The following EPHA6 variants were observed in gnomAD, a reference collection of about 807,000 sequenced individuals.
EPHA6 encodes the protein ephrin type-A receptor 6.
Under a neutral mutation model 112.0 loss-of-function variants are expected in EPHA6, and 50 were observed. That is an observed-to-expected ratio of 0.45 (90% CI 0.36 to 0.56). EPHA6 has a LOEUF of 0.56. Ranked by LOEUF, EPHA6 falls within the 20% of genes least tolerant of loss-of-function variation. The pLI is 0.00. For missense variants in EPHA6, 1,280 were observed against 1,417.4 expected (o/e 0.90, Z 1.56); for synonymous variants, 529 against 490.7 (o/e 1.08, Z -1.03).
At chr3:97,524,476 G>GT (rs936140279) in intron 10 of EPHA6, among the ~76,000 whole-genome samples, 1 of 151,550 alleles carries the variant, frequency 6.6e-6, no homozygotes, top group Non-Finnish European at 1.5e-5. Flanking sequence ...AAATACATTT[G>GT]TTTTTTTAAC....
intron 5 of EPHA6, among the ~76,000 whole-genome samples, chr3:97,286,454 G>A (rs2080466931): frequency 6.6e-6 from 1 of 152,066 alleles, no homozygotes; most frequent in African/African-American, 2.4e-5. Context: ...TTTTGCATAA[G>A]GATATCCAGT....
At chr3:97,638,195 C>CT in intron 14 of EPHA6, 113 bp downstream of exon 14, 1 of 722,512 alleles carries the variant, frequency 1.4e-6, no homozygotes, top group South Asian at 2.1e-5. Flanking sequence ...TATTACTTTG[C>CT]TAATTTGATA....
chr3:97,482,788 A>C (rs1027386313), intron 9 of EPHA6, among the ~76,000 whole-genome samples: 7 of 152,236 alleles, frequency 4.6e-5, no homozygotes, highest in Non-Finnish European at 8.8e-5. Flanking sequence ...CAACAAAACC[A>C]AATACCATCC....
chr3:97,154,879 A>G (rs2076254024), intron 3 of EPHA6, among the ~76,000 whole-genome samples: 1 of 152,224 alleles, frequency 6.6e-6, no homozygotes, highest in South Asian at 2.1e-4. Flanking sequence ...TTAATTGACT[A>G]AAATATGCAT....
rs1246717293 is a variant in EPHA6, at chr3:97,642,403, G to A, written c.2784+4321G>A. ...AGCGCCTCTCCTCCTCCAAAGGAAC[G>A]CAGTTCCTCACCAGCAACGGAACAA... On this transcript the variant is annotated intron_variant, in intron 14 of 17. Transcript: ENST00000389672. Among the ~76,000 whole-genome samples, 8 of 143,212 alleles carry A rather than the reference G, an allele frequency of 5.6e-5. No homozygotes were observed. The East Asian group carries it at 6.2e-4, about 11-fold the overall frequency. The allele number at this position is 143,212 out of a possible 152,430, so 94.0% of individuals were successfully genotyped here. A position where few individuals can be genotyped will look rare whatever the true frequency, so the allele number is the denominator to read the frequency against.
Position 97,009,614 on chromosome 3 carries a change from G to T in EPHA6, c.1114+21621G>T, listed in dbSNP as rs947906882. On this transcript the variant is annotated intron_variant, in intron 3 of 17. Coordinates refer to ENST00000389672, the MANE Select transcript of EPHA6 (RefSeq NM_001080448.3). ...AAGGGCTTAGACAGCAGGCAGCTGC[G>T]CTGGTGCTGGTTGCCCCTCCCCCAA... 7.9e-5 allele frequency among the ~76,000 whole-genome samples: 12 copies of T among 152,364 alleles called. No individual in the cohort carries two copies. In the South Asian group the frequency reaches 2.5e-3, roughly 32 times the overall value.
intron 3 of EPHA6, among the ~76,000 whole-genome samples, chr3:97,190,488 C>T (rs1474201884): frequency 6.6e-6 from 1 of 152,098 alleles, no homozygotes; most frequent in Non-Finnish European, 1.5e-5. Flanking sequence ...TGCAGTTACT[C>T]ATGTTGGTAG....
intron 10 of EPHA6, among the ~76,000 whole-genome samples, chr3:97,517,349 A>G (rs191159811): frequency 6.8e-4 from 104 of 152,204 alleles, no homozygotes; most frequent in African/African-American, 2.3e-3. Flanking sequence ...TGGGCTTTTG[A>G]TGGGTAATTT....
chr3:97,364,927 C>T (rs939713275), intron 5 of EPHA6, among the ~76,000 whole-genome samples: 1 of 152,116 alleles, frequency 6.6e-6, no homozygotes, highest in African/African-American at 2.4e-5. Flanking sequence ...AACATACCTT[C>T]TCTCAGGTTG....
intron 2 of EPHA6, among the ~76,000 whole-genome samples, chr3:96,868,156 G>T (rs2036426937): frequency 6.7e-6 from 1 of 148,474 alleles, no homozygotes; most frequent in South Asian, 2.1e-4. Flanking sequence ...TTTTGTGTGT[G>T]TGCGTGTGTG....
At chr3:96,849,651 A>G (rs548484434) in intron 1 of EPHA6, among the ~76,000 whole-genome samples, 1 of 151,996 alleles carries the variant, frequency 6.6e-6, no homozygotes, top group Non-Finnish European at 1.5e-5. Context: ...TTTGTCATTC[A>G]CAAGATCAGA....
At chr3:97,651,858 T>A (rs1487772814) in intron 14 of EPHA6, among the ~76,000 whole-genome samples, 3 of 152,066 alleles carry the variant, frequency 2.0e-5, no homozygotes, top group Non-Finnish European at 4.4e-5. Flanking sequence ...TTGTAACTTT[T>A]TTTTTTAGGT....
At chr3:97,242,176 T>A (rs1273801534) in intron 4 of EPHA6, among the ~76,000 whole-genome samples, 2 of 151,694 alleles carry the variant, frequency 1.3e-5, no homozygotes, top group African/African-American at 4.8e-5. Context: ...GTAGCTGAGG[T>A]CCCTTCCTGT....
intron 7 of EPHA6, chr3:97,466,473 A>G: frequency 7.0e-7 from 1 of 1,431,908 alleles, no homozygotes; most frequent in Non-Finnish European, 9.9e-7. Flanking sequence ...GTGGGACTTT[A>G]TTGCCTCAGG....
chr3:97,306,837 A>C (rs1244941529), intron 5 of EPHA6, among the ~76,000 whole-genome samples: 1 of 151,756 alleles, frequency 6.6e-6, no homozygotes, highest in Non-Finnish European at 1.5e-5. Flanking sequence ...TATGTAAAAA[A>C]AATTTTTTTT....
intron 2 of EPHA6, among the ~76,000 whole-genome samples, chr3:96,882,809 T>G (rs2037403195): frequency 6.6e-6 from 1 of 151,338 alleles, no homozygotes. Flanking sequence ...ATCTCACAGT[T>G]TCTTTATCCA....
intron 3 of EPHA6, among the ~76,000 whole-genome samples, chr3:97,046,796 C>A (rs1163772018): frequency 6.6e-6 from 1 of 151,888 alleles, no homozygotes; most frequent in African/African-American, 2.4e-5. Context: ...GGAAAAATGT[C>A]CTGCAAAAAT....
intron 2 of EPHA6, among the ~76,000 whole-genome samples, chr3:96,961,651 TAC>T (rs78914209): frequency 0.2 from 31,166 of 152,060 alleles, 6,180 homozygotes; most frequent in African/African-American, 0.52. Flanking sequence ...ACCTGTGTGA[TAC>T]ACTTCAGTTT....
intron 2 of EPHA6, among the ~76,000 whole-genome samples, chr3:96,910,636 C>T (rs1004162577): frequency 1.3e-5 from 2 of 151,884 alleles, no homozygotes; most frequent in African/African-American, 4.8e-5. Context: ...TAAACTTGTT[C>T]TTCTCTTTTC....
Sources: allele counts gnomAD v4.1 joint callset (sites outside exome capture counted in the v4.1 genomes callset), GRCh38; gene constraint gnomAD v4.1.1; transcripts MANE v1.5; gene names NCBI Gene and HGNC (gene_info 2026-07-23, HGNC 2026-07-21).